Variants in ARHGAP11B observed in about 807,000 individuals in gnomAD.
ARHGAP11B encodes inactive Rho GTPase-activating protein 11B.
Under a neutral mutation model 27.6 loss-of-function variants are expected in ARHGAP11B, and 14 were observed. That is an observed-to-expected ratio of 0.51 (90% confidence interval 0.34 to 0.79). ARHGAP11B has a LOEUF of 0.79. ARHGAP11B is among the 30% of genes least tolerant of loss of function. ARHGAP11B has a pLI of 0.02. For synonymous variants in ARHGAP11B, 82 were observed against 114.1 expected, an observed-to-expected ratio of 0.72 and a Z score of 1.80; for missense variants, 245 against 320.1, an observed-to-expected ratio of 0.77 and a Z score of 1.79.
chr15:30,629,596 C>T (rs2060231791), intron 1 of ARHGAP11B, among the ~76,000 whole-genome samples: 1 of 152,078 alleles, frequency 6.6e-6, no homozygotes, highest in South Asian at 2.1e-4. Context: ...AGCCTACTCT[C>T]TTAAGCCCTT....
At chr15:30,642,886 AAC>A (rs1278972700) in intron 7 of ARHGAP11B, among the ~76,000 whole-genome samples, 2 of 152,074 alleles carry the variant, frequency 1.3e-5, no homozygotes, top group Non-Finnish European at 2.9e-5. Context: ...TGAAGTTTCT[AAC>A]CAGAAATTAA....
At position 30,644,799 on chromosome 15, in the gene ARHGAP11B, T is replaced by C. The variant is rs1410648541; in HGVS notation, c.*142+97T>C. 4 of 1,071,340 alleles carry C rather than the reference T, an allele frequency of 3.7e-6. No individual in the cohort carries two copies. The African/African-American group carries it at 4.8e-5, about 13-fold the overall frequency. 66.4% of individuals were successfully genotyped at this position (1,071,340 alleles called of 1,614,324 possible). On this transcript the variant is annotated intron_variant, in intron 8 of 10. Coordinates refer to ENST00000428041, the Ensembl canonical transcript of ARHGAP11B. ...AATGGAATATTTGTATGTGAATAAC[T>C]AAATTTATTTTGTCTTGACAATTGG...
At chr15:30,628,510 T>G (rs758698163) in intron 1 of ARHGAP11B, among the ~76,000 whole-genome samples, 23 of 152,078 alleles carry the variant, frequency 1.5e-4, no homozygotes, top group Admixed American at 4.6e-4. Context: ...GCTTCAGTTT[T>G]ATATCTATAA....
intron 6 of ARHGAP11B, among the ~76,000 whole-genome samples, chr15:30,636,434 A>G (rs2060280030): frequency 6.6e-6 from 1 of 152,058 alleles, no homozygotes; most frequent in Non-Finnish European, 1.5e-5. Context: ...ATCAGAGGCC[A>G]TTATTCTTCC....
intron 1 of ARHGAP11B, among the ~76,000 whole-genome samples, chr15:30,628,120 G>T (rs1266011582): frequency 7.0e-6 from 1 of 143,716 alleles, no homozygotes; most frequent in Non-Finnish European, 1.5e-5. Context: ...TCCCTCTGTC[G>T]CCCAGGCTGG....
intron 7 of ARHGAP11B, among the ~76,000 whole-genome samples, chr15:30,640,544 C>T (rs1292713141): frequency 6.6e-6 from 1 of 150,396 alleles, no homozygotes; most frequent in African/African-American, 2.4e-5. Context: ...ACTCTAAGCC[C>T]AGGGTCCTCC....
At chr15:30,642,099 A>G (rs1567517330) in intron 7 of ARHGAP11B, among the ~76,000 whole-genome samples, 1 of 151,870 alleles carries the variant, frequency 6.6e-6, no homozygotes, top group Non-Finnish European at 1.5e-5. Flanking sequence ...GGCTTCCAAA[A>G]TTTTCTTTAG....
At chr15:30,628,986 A>G (rs1176418790) in intron 1 of ARHGAP11B, among the ~76,000 whole-genome samples, 6 of 152,090 alleles carry the variant, frequency 3.9e-5, no homozygotes, top group African/African-American at 1.4e-4. Flanking sequence ...CACAGTATCA[A>G]GAAAATTCTG....
In ARHGAP11B at chr15:30,636,522, T is replaced by C. The variant is rs559205783; in HGVS notation, c.*3+889T>C. Among the ~76,000 whole-genome samples, 748 of 152,154 alleles carry C rather than the reference T, an allele frequency of 4.9e-3. 12 individuals carry two copies. The highest frequency in any genetic ancestry group is 8.3e-3 in the Non-Finnish European group (562 of 67,970). On this transcript the variant is annotated intron_variant, in intron 6 of 10. Coordinates refer to ENST00000428041, the Ensembl canonical transcript of ARHGAP11B. ...ACTATCCCAATCCCTTTTTCATCTT[T>C]TGGTTTATTTGTTATTGCATACTTG... is the stretch of plus-strand genomic sequence containing the variant.
chr15:30,647,033 G>T (rs1348598901), intron 9 of ARHGAP11B, among the ~76,000 whole-genome samples: 7 of 151,960 alleles, frequency 4.6e-5, no homozygotes, highest in Non-Finnish European at 1.0e-4. Context: ...TGACTGGAAT[G>T]AACTGCCCAT....
exon 11 of ARHGAP11B, among the ~76,000 whole-genome samples, chr15:30,648,501 A>G (rs2060365809): frequency 6.6e-6 from 1 of 152,028 alleles, no homozygotes; most frequent in African/African-American, 2.4e-5. Flanking sequence ...TTCTGGGCCA[A>G]TTACTTTAAT....
At chr15:30,637,777 C>T (rs2060290088) in intron 6 of ARHGAP11B, among the ~76,000 whole-genome samples, 2 of 150,626 alleles carry the variant, frequency 1.3e-5, no homozygotes, top group African/African-American at 4.9e-5. Flanking sequence ...CTTTATGCCT[C>T]CTCCTTGAAT....
chr15:30,633,729 T>C (rs1048073287), intron 3 of ARHGAP11B, 143 bp downstream of exon 3: 14 of 819,972 alleles, frequency 1.7e-5, no homozygotes, highest in Admixed American at 3.4e-5. Flanking sequence ...TTTTTTTTTT[T>C]CCAAAAGAAA....
At chr15:30,644,330 A>G (rs921942687) in intron 7 of ARHGAP11B, among the ~76,000 whole-genome samples, 1 of 152,078 alleles carries the variant, frequency 6.6e-6, no homozygotes, top group Non-Finnish European at 1.5e-5. Flanking sequence ...ACGGTACCCA[A>G]TAGATATTTG....
At chr15:30,643,892 C>A (rs1330491720) in intron 7 of ARHGAP11B, among the ~76,000 whole-genome samples, 2 of 151,964 alleles carry the variant, frequency 1.3e-5, no homozygotes, top group African/African-American at 4.8e-5. Flanking sequence ...TCTCAAGATG[C>A]AGTATCTGGC....
In ARHGAP11B at chr15:30,633,441, A is replaced by G. The variant is rs778383154; in HGVS notation, c.201-49A>G. 5.3e-6 allele frequency: 8 copies of G among 1,513,860 alleles called. No homozygotes were observed. In the African/African-American group the frequency reaches 1.1e-4, roughly 21 times the overall value. The allele number at this position is 1,513,860 out of a possible 1,614,324, so 93.8% of individuals were successfully genotyped here. A position where few individuals can be genotyped will look rare whatever the true frequency, so the allele number is the denominator to read the frequency against. On this transcript the variant is annotated intron_variant, in intron 2 of 10. Transcript: ENST00000428041. ...CCTGCTCATGTATGTTAGCAGAGGA[A>G]TAGGATGTGATATGTATGTCTAGCC... is the stretch of plus-strand genomic sequence containing the variant.
At chr15:30,648,838 A>C (rs2060368447) in exon 11 of ARHGAP11B, 1 of 151,890 alleles carries the variant, frequency 6.6e-6, no homozygotes, top group African/African-American at 2.4e-5. Context: ...GAAAATGCTT[A>C]ATAATAAGGG....
At chr15:30,632,279 G>A (rs1367320829) in intron 2 of ARHGAP11B, among the ~76,000 whole-genome samples, 1 of 129,752 alleles carries the variant, frequency 7.7e-6, no homozygotes, top group African/African-American at 3.0e-5. Context: ...AAATTAGCTG[G>A]GCGTAGTGAT....
chr15:30,647,026 C>G (rs528932236), intron 9 of ARHGAP11B, among the ~76,000 whole-genome samples: 1 of 151,930 alleles, frequency 6.6e-6, no homozygotes, highest in African/African-American at 2.4e-5. Flanking sequence ...TCATCAGTGA[C>G]TGGAATGAAC....
Sources: gnomAD v4.1 joint callset for allele counts (sites outside exome capture counted in the v4.1 genomes callset) on GRCh38, gnomAD v4.1.1 for gene constraint, MANE v1.5 for transcripts, NCBI Gene and HGNC (gene_info 2026-07-23, HGNC 2026-07-21) for gene names.